PHAF1: variants seen among roughly 807,000 people sequenced by gnomAD.
The protein encoded by PHAF1 is phagosome assembly factor 1.
A neutral mutation model predicts 63.1 loss-of-function variants in PHAF1; 23 were observed. That is an observed-to-expected ratio of 0.36 (90% CI 0.26 to 0.52). The LOEUF (loss-of-function observed/expected upper bound fraction) is 0.52, where lower values mean the gene tolerates loss of function less well. Ranked by LOEUF, PHAF1 falls within the 20% of genes least tolerant of loss-of-function variation. PHAF1 has a pLI of 0.93. For missense variants in PHAF1, 427 were observed against 517.2 expected (o/e 0.83, Z 1.69); for synonymous variants, 167 against 185.0 (o/e 0.90, Z 0.79).
intron 14 of PHAF1, 81 bp downstream of exon 14, chr16:67,145,709 A>T (rs2029998355): frequency 2.1e-6 from 3 of 1,448,830 alleles, no homozygotes; most frequent in South Asian, 2.5e-5. Context: ...GGCACAGTGG[A>T]TGTTGCTTAA....
At chr16:67,118,237 T>G (rs1962825723) in intron 1 of PHAF1, among the ~76,000 whole-genome samples, 1 of 148,968 alleles carries the variant, frequency 6.7e-6, no homozygotes, top group Non-Finnish European at 1.5e-5. Flanking sequence ...CCTCCCAAAG[T>G]GCTGGGATTA....
In PHAF1 at chr16:67,145,422, G is replaced by A; in HGVS notation, c.1050+3G>A. On this transcript the variant is annotated splice_donor_region_variant and intron_variant, in intron 13 of 15. Transcript: ENST00000219139. ...AAACATGCACGACCTACAGCAAGGT[G>A]AGCACCTATCTTCCTACCTGGCATA... is the stretch of plus-strand genomic sequence containing the variant. 2.5e-6 allele frequency: 4 copies of A among 1,614,170 alleles called. No individual in the cohort carries two copies. The highest frequency in any genetic ancestry group is 2.2e-5 in the East Asian group (1 of 44,882).
At chr16:67,147,010 C>G in intron 15 of PHAF1, 35 bp from the exon 16 acceptor site, 1 of 1,560,364 alleles carries the variant, frequency 6.4e-7, no homozygotes, top group Non-Finnish European at 8.8e-7. Context: ...CCCTTTACCT[C>G]TCCCCCTTGA....
chr16:67,147,371 A>G lies in PHAF1; in HGVS notation c.*240A>G, dbSNP rs901381331. 4 of 519,500 alleles carry G rather than the reference A, an allele frequency of 7.7e-6. No homozygotes were observed. The highest frequency in any genetic ancestry group is 1.4e-5 in the Non-Finnish European group (4 of 292,412). 32.2% of individuals were successfully genotyped at this position (519,500 alleles called of 1,614,324 possible). ...GGACACAGACTGCAAAGAGAAGCAC[A>G]AAGTTTGAGCCTTGATTCCTGGACC... On this transcript the variant is annotated 3_prime_UTR_variant, in exon 16 of 16. Transcript: ENST00000219139.
intron 3 of PHAF1, among the ~76,000 whole-genome samples, chr16:67,126,691 C>T (rs1304350560): frequency 6.7e-6 from 1 of 149,330 alleles, no homozygotes; most frequent in South Asian, 2.1e-4. Flanking sequence ...TGGGTTCAAG[C>T]GATTCTTCTG....
intron 3 of PHAF1, among the ~76,000 whole-genome samples, chr16:67,127,211 AC>A (rs1352730109): frequency 6.6e-6 from 1 of 152,116 alleles, no homozygotes; most frequent in African/African-American, 2.4e-5. Context: ...CCTGGGCCTC[AC>A]AGGTTAGTCA....
chr16:67,119,275 ATACT>A (rs1426166025), intron 1 of PHAF1, among the ~76,000 whole-genome samples: 1 of 152,096 alleles, frequency 6.6e-6, no homozygotes, highest in East Asian at 1.9e-4. Flanking sequence ...TCTTTGATTC[ATACT>A]TACTTTGCTT....
intron 14 of PHAF1, 52 bp downstream of exon 14, chr16:67,145,680 A>G: frequency 6.4e-7 from 1 of 1,567,628 alleles, no homozygotes; most frequent in Middle Eastern, 1.7e-4. Flanking sequence ...CTCAGAGCCC[A>G]GAAAGCCCAG....
At chr16:67,128,356 G>C (rs1206320197) in intron 3 of PHAF1, among the ~76,000 whole-genome samples, 2 of 152,204 alleles carry the variant, frequency 1.3e-5, no homozygotes, top group Non-Finnish European at 2.9e-5. Flanking sequence ...GGATCCCCAT[G>C]AAGGAGAGAC....
At chr16:67,123,926 T>A (rs977916068) in intron 2 of PHAF1, among the ~76,000 whole-genome samples, 2 of 152,204 alleles carry the variant, frequency 1.3e-5, no homozygotes, top group African/African-American at 4.8e-5. Flanking sequence ...AGCAGATGAT[T>A]TTACTGAACT....
At chr16:67,129,546 G>T (rs951885983) in intron 3 of PHAF1, among the ~76,000 whole-genome samples, 2 of 152,226 alleles carry the variant, frequency 1.3e-5, no homozygotes, top group Admixed American at 1.3e-4. Flanking sequence ...AGTTTCTTTG[G>T]CAGTGCCAGA....
At chr16:67,137,674 G>A (rs1478224386) in intron 8 of PHAF1, among the ~76,000 whole-genome samples, 1 of 151,612 alleles carries the variant, frequency 6.6e-6, no homozygotes, top group East Asian at 1.9e-4. Context: ...GTGATTTAGT[G>A]TGGTTTTTTC....
intron 15 of PHAF1, among the ~76,000 whole-genome samples, chr16:67,146,633 T>C (rs1428436995): frequency 6.6e-6 from 1 of 152,200 alleles, no homozygotes; most frequent in African/African-American, 2.4e-5. Flanking sequence ...AACATGATTA[T>C]AGCAGGGAAG....
At chr16:67,128,321 C>T (rs1044283539) in intron 3 of PHAF1, among the ~76,000 whole-genome samples, 2 of 152,234 alleles carry the variant, frequency 1.3e-5, no homozygotes, top group African/African-American at 4.8e-5. Flanking sequence ...AAAATCAAAC[C>T]GGCAATCCTC....
chr16:67,136,554 CTTTTTTTTTTTTTTTTTT>C (rs34174571), intron 8 of PHAF1, among the ~76,000 whole-genome samples: 4 of 60,494 alleles, frequency 6.6e-5, no homozygotes, highest in African/African-American at 1.9e-4. Flanking sequence ...GCATTGATTC[CTTTTTTTTTTTTTTTTTT>C]TTTTTTTTTG....
intron 2 of PHAF1, among the ~76,000 whole-genome samples, chr16:67,124,665 C>T (rs1466835640): frequency 9.2e-5 from 14 of 151,976 alleles, no homozygotes; most frequent in Non-Finnish European, 1.8e-4. Flanking sequence ...AGATGGATCA[C>T]GAGGTCAGGA....
At chr16:67,141,903 T>C (rs1302893323) in intron 10 of PHAF1, among the ~76,000 whole-genome samples, 3 of 152,184 alleles carry the variant, frequency 2.0e-5, no homozygotes, top group South Asian at 2.1e-4. Flanking sequence ...TCACCCACAA[T>C]GTGGAAAGCG....
At chr16:67,123,876 G>A (rs1006001151) in intron 2 of PHAF1, among the ~76,000 whole-genome samples, 12 of 152,168 alleles carry the variant, frequency 7.9e-5, no homozygotes, top group East Asian at 1.9e-4. Flanking sequence ...TGTCAAGTAC[G>A]TCCCATCTTT....
At chr16:67,136,550 ATTCCTTTTTT>A (rs1676738874) in intron 8 of PHAF1, among the ~76,000 whole-genome samples, 1 of 60,496 alleles carries the variant, frequency 1.7e-5, no homozygotes, top group Admixed American at 1.8e-4. Context: ...TGAGGCATTG[ATTCCTTTTTT>A]TTTTTTTTTT....
Sources: gnomAD v4.1 joint callset for allele counts (sites outside exome capture counted in the v4.1 genomes callset) on GRCh38, gnomAD v4.1.1 for gene constraint, MANE v1.5 for transcripts, NCBI Gene and HGNC (gene_info 2026-07-23, HGNC 2026-07-21) for gene names.